Variants in CNTNAP2 observed in about 807,000 individuals in gnomAD.
CNTNAP2 encodes the protein contactin associated protein 2.
CNTNAP2 carries 98 observed loss-of-function variants against 155.2 expected under a neutral mutation model. The ratio of observed to expected loss-of-function variants is 0.63; its 90% CI spans 0.54 to 0.75. CNTNAP2 has a LOEUF of 0.75. Among genes scored for constraint, CNTNAP2 ranks in the 30% least tolerant of loss-of-function variants. The pLI, the probability that CNTNAP2 is intolerant of heterozygous loss-of-function variation, is 0.00. For missense variants in CNTNAP2, 1,727 were observed against 1,688.1 expected, an observed-to-expected ratio of 1.02 and a Z score of -0.40; for synonymous variants, 651 against 631.2, an observed-to-expected ratio of 1.03 and a Z score of -0.47.
intron 1 of CNTNAP2, among the ~76,000 whole-genome samples, chr7:146,163,543 C>CTATA (rs1299524980): frequency 7.0e-6 from 1 of 142,788 alleles, no homozygotes; most frequent in African/African-American, 2.6e-5. Flanking sequence ...ATATCTATAT[C>CTATA]TATATATCTA....
intron 18 of CNTNAP2, among the ~76,000 whole-genome samples, chr7:148,194,828 C>G (rs1054260053): frequency 6.6e-6 from 1 of 152,186 alleles, no homozygotes; most frequent in Non-Finnish European, 1.5e-5. Flanking sequence ...ATGGTGCCCA[C>G]CCTTATTGGT....
intron 1 of CNTNAP2, among the ~76,000 whole-genome samples, chr7:146,372,816 G>T (rs1039172617): frequency 5.9e-5 from 9 of 152,100 alleles, no homozygotes; most frequent in African/African-American, 2.2e-4. Context: ...GCACCAAAAA[G>T]AAGGCAATTG....
chr7:148,069,653 G>A (rs534322648), intron 15 of CNTNAP2, among the ~76,000 whole-genome samples: 89 of 151,792 alleles, frequency 5.9e-4, no homozygotes, highest in African/African-American at 2.1e-3. Context: ...CCAGCTACTC[G>A]GGAGGCTGAG....
intron 21 of CNTNAP2, among the ~76,000 whole-genome samples, chr7:148,338,047 A>C (rs1798152533): frequency 1.3e-5 from 2 of 152,158 alleles, no homozygotes; most frequent in African/African-American, 4.8e-5. Flanking sequence ...CACACAAAGC[A>C]ATCCATTACC....
intron 4 of CNTNAP2, among the ~76,000 whole-genome samples, chr7:147,049,593 T>C (rs1469557764): frequency 6.6e-6 from 1 of 152,164 alleles, no homozygotes; most frequent in Non-Finnish European, 1.5e-5. Flanking sequence ...AGAATAGCAG[T>C]GCTGTGTACT....
chr7:148,012,770 C>T (rs1423523012), intron 15 of CNTNAP2, among the ~76,000 whole-genome samples: 1 of 152,036 alleles, frequency 6.6e-6, no homozygotes, highest in Non-Finnish European at 1.5e-5. Context: ...TCCAAGTTCC[C>T]GATAGCTAAC....
At chr7:148,045,687 T>C (rs575069537) in intron 15 of CNTNAP2, among the ~76,000 whole-genome samples, 1 of 152,364 alleles carries the variant, frequency 6.6e-6, no homozygotes, top group South Asian at 2.1e-4. Flanking sequence ...GAATATTTAC[T>C]GAGCGTCTAG....
intron 1 of CNTNAP2, among the ~76,000 whole-genome samples, chr7:146,712,299 G>GCA (rs1462762888): frequency 8.1e-6 from 1 of 124,102 alleles, no homozygotes; most frequent in African/African-American, 3.5e-5. Flanking sequence ...CATATCTTAT[G>GCA]TATACTATAT....
At chr7:147,247,382 G>A (rs1482918269) in intron 8 of CNTNAP2, among the ~76,000 whole-genome samples, 1 of 152,016 alleles carries the variant, frequency 6.6e-6, no homozygotes, top group African/African-American at 2.4e-5. Context: ...ACAGATCTGT[G>A]GCACCATAGA....
intron 1 of CNTNAP2, among the ~76,000 whole-genome samples, chr7:146,192,770 A>G (rs757509481): frequency 1.3e-5 from 2 of 152,186 alleles, no homozygotes; most frequent in African/African-American, 2.4e-5. Context: ...ACAGTCTTGC[A>G]AAGCCTTAAC....
At chr7:148,238,234 A>T (rs1379195580) in intron 20 of CNTNAP2, among the ~76,000 whole-genome samples, 1 of 152,230 alleles carries the variant, frequency 6.6e-6, no homozygotes, top group African/African-American at 2.4e-5. Flanking sequence ...CTGTAGTCCC[A>T]GCTACTCAGG....
intron 16 of CNTNAP2, among the ~76,000 whole-genome samples, chr7:148,126,647 T>C (rs998940200): frequency 2.6e-5 from 4 of 152,130 alleles, no homozygotes; most frequent in Non-Finnish European, 5.9e-5. Flanking sequence ...CCTATGTCAC[T>C]GTTGAGGTCA....
At chr7:147,148,389 C>CAAA (rs5888239) in intron 8 of CNTNAP2, among the ~76,000 whole-genome samples, 32 of 81,656 alleles carry the variant, frequency 3.9e-4, no homozygotes, top group African/African-American at 1.1e-3. Flanking sequence ...GACTCCGTCT[C>CAAA]AAAAAAAAAA....
rs570638411 is a variant in CNTNAP2 at position 146,178,968 on chromosome 7, GTAAA to G, written c.97+61997_97+62000del. Among the ~76,000 whole-genome samples, 955 of 152,276 alleles carry G rather than the reference GTAAA, an allele frequency of 6.3e-3. 5 individuals are homozygous for G. Among genetic ancestry groups the G allele is most frequent in the Admixed American group, 0.01 (159 of 15,294 alleles). On this transcript the variant is annotated intron_variant, in intron 1 of 23. Coordinates refer to ENST00000361727, the MANE Select transcript of CNTNAP2 (RefSeq NM_014141.6). ...TGCTGTTATCTCCCAAATACTGGTTGTAAATTAATGAATGAATCCAGAAGTTAAA... is the reference window on the plus strand; with the variant it reads ...TGCTGTTATCTCCCAAATACTGGTTGTTAATGAATGAATCCAGAAGTTAAA...
At chr7:147,406,809 C>T (rs373684469) in intron 10 of CNTNAP2, among the ~76,000 whole-genome samples, 2 of 152,152 alleles carry the variant, frequency 1.3e-5, no homozygotes, top group Non-Finnish European at 2.9e-5. Context: ...TAACAAATTA[C>T]GGTATCTGAA....
At position 147,631,409 on chromosome 7, in the gene CNTNAP2, C is replaced by T. The variant is rs914773134; in HGVS notation, c.1898-7697C>T. 5.9e-5 allele frequency among the ~76,000 whole-genome samples: 9 copies of T among 152,048 alleles called. No homozygotes were observed. The East Asian group carries it at 1.5e-3, about 26-fold the overall frequency. ...AATACTGTGAAAATGACCATACTGC[C>T]AAAATCAATCTACAGATTGCAATTT... On this transcript the variant is annotated intron_variant, in intron 12 of 23. Transcript: ENST00000361727.
chr7:147,160,149 G>C (rs933593702), intron 8 of CNTNAP2, among the ~76,000 whole-genome samples: 1 of 152,054 alleles, frequency 6.6e-6, no homozygotes, highest in Non-Finnish European at 1.5e-5. Flanking sequence ...AAGCGAGATA[G>C]CTGTTTTCTT....
chr7:146,185,742 G>T (rs1252537791), intron 1 of CNTNAP2, among the ~76,000 whole-genome samples: 1 of 150,658 alleles, frequency 6.6e-6, no homozygotes, highest in Non-Finnish European at 1.5e-5. Flanking sequence ...TATTTTCAGG[G>T]AGTGAACTTT....
At chr7:147,908,686 A>G (rs1293288094) in intron 14 of CNTNAP2, among the ~76,000 whole-genome samples, 1 of 152,246 alleles carries the variant, frequency 6.6e-6, no homozygotes. Flanking sequence ...AATGTAGCAC[A>G]TACATCCAAA....
Sources: gnomAD v4.1 joint callset for allele counts (sites outside exome capture counted in the v4.1 genomes callset) on GRCh38, gnomAD v4.1.1 for gene constraint, MANE v1.5 for transcripts, NCBI Gene and HGNC (gene_info 2026-07-23, HGNC 2026-07-21) for gene names.